Variants in SNX25 observed in about 807,000 individuals in gnomAD.
SNX25 encodes sorting nexin-25.
Under a neutral mutation model 113.7 loss-of-function variants are expected in SNX25, and 62 were observed. The observed-to-expected ratio is 0.55, with a 90% CI of 0.44 to 0.67. SNX25 has a LOEUF of 0.67. Among genes scored for constraint, SNX25 ranks in the 30% least tolerant of loss-of-function variants. The probability of loss-of-function intolerance (pLI) is 0.00; values close to 1 mark genes in which losing one functional copy is unlikely to be tolerated. For synonymous variants in SNX25, 421 were observed against 436.2 expected (o/e 0.97, Z 0.43); for missense variants, 1,014 against 1,161.0 (o/e 0.87, Z 1.84).
intron 1 of SNX25, among the ~76,000 whole-genome samples, chr4:185,243,934 G>A (rs866251571): frequency 1.2e-4 from 18 of 152,224 alleles, no homozygotes; most frequent in South Asian, 2.1e-4. Context: ...TGTACTGTCA[G>A]TCATATTCAT....
At chr4:185,231,102 GTTTT>G (rs33972141) in intron 1 of SNX25, among the ~76,000 whole-genome samples, 1 of 140,540 alleles carries the variant, frequency 7.1e-6, no homozygotes. Context: ...CCTTTTTTTT[GTTTT>G]TTTTTTTTTT....
chr4:185,349,728 TTG>T (rs141674889), intron 13 of SNX25, among the ~76,000 whole-genome samples: 2 of 151,952 alleles, frequency 1.3e-5, no homozygotes, highest in East Asian at 3.9e-4. Context: ...AATGGGATTA[TTG>T]TGTGTGTGTG....
rs192487626 is a variant in SNX25 at position 185,222,431 on chromosome 4, C to T, written c.429+12176C>T. On this transcript the variant is annotated intron_variant, in intron 1 of 18. Coordinates refer to ENST00000652585, the MANE Select transcript of SNX25 (RefSeq NM_001378034.2). The stretch of plus-strand genomic sequence containing the variant: ...CCCCTCCCTCTCGGTAGGTATTCAG[C>T]GCCCTATACCCCTCCCTCGCGGTAG... Among the ~76,000 whole-genome samples, 18 of 151,644 alleles carry T rather than the reference C, an allele frequency of 1.2e-4. No homozygotes were observed. In the East Asian group the frequency reaches 3.1e-3, roughly 26 times the overall value.
At chr4:185,237,703 T>C (rs1742847066) in intron 1 of SNX25, among the ~76,000 whole-genome samples, 1 of 152,092 alleles carries the variant, frequency 6.6e-6, no homozygotes, top group African/African-American at 2.4e-5. Context: ...TGTAATAACG[T>C]TGAATTAGTT....
intron 1 of SNX25, among the ~76,000 whole-genome samples, chr4:185,229,022 G>A (rs922135519): frequency 2.6e-5 from 4 of 152,322 alleles, no homozygotes; most frequent in East Asian, 1.9e-4. Flanking sequence ...AAGCAGCATC[G>A]CAAAGGTACG....
At chr4:185,252,479 A>T (rs1457541188) in intron 2 of SNX25, among the ~76,000 whole-genome samples, 1 of 152,208 alleles carries the variant, frequency 6.6e-6, no homozygotes, top group African/African-American at 2.4e-5. Flanking sequence ...GAGTTCGGTT[A>T]TACTAAATGC....
intron 10 of SNX25, among the ~76,000 whole-genome samples, chr4:185,337,251 C>A (rs1041637213): frequency 6.6e-6 from 1 of 152,148 alleles, no homozygotes; most frequent in African/African-American, 2.4e-5. Context: ...CCATTTTCCC[C>A]TCCCTCATGC....
At chr4:185,341,280 A>T (rs1561033138) in intron 11 of SNX25, among the ~76,000 whole-genome samples, 1 of 152,228 alleles carries the variant, frequency 6.6e-6, no homozygotes, top group Admixed American at 6.5e-5. Flanking sequence ...ATATCTCCCA[A>T]TGTAAAATTT....
Position 185,283,007 on chromosome 4 carries a change from G to A in SNX25, c.1092-5005G>A, listed in dbSNP as rs116773104. ...TTTGTTGAGAAAAAAACAAGAATGA[G>A]AAAGTCAATCATTTCCTCTCGGTAT... On this transcript the variant is annotated intron_variant, in intron 5 of 18. Coordinates refer to ENST00000652585, the MANE Select transcript of SNX25 (RefSeq NM_001378034.2). Among the ~76,000 whole-genome samples the A allele has an allele frequency of 3.8e-3, 582 of 152,300 alleles. 2 individuals carry two copies. Among genetic ancestry groups the A allele is most frequent in the African/African-American group, 0.013 (533 of 41,570 alleles).
chr4:185,298,832 C>T (rs931693141), intron 6 of SNX25, among the ~76,000 whole-genome samples: 2 of 152,292 alleles, frequency 1.3e-5, no homozygotes, highest in Non-Finnish European at 2.9e-5. Flanking sequence ...TCACAGCCCT[C>T]CCTCCCTGGA....
chr4:185,240,224 C>T (rs952216194), intron 1 of SNX25, among the ~76,000 whole-genome samples: 10 of 152,244 alleles, frequency 6.6e-5, no homozygotes, highest in South Asian at 4.1e-4. Context: ...CCTTTCCCCC[C>T]TTTCTATTCC....
At chr4:185,276,694 A>C (rs764872079) in intron 5 of SNX25, among the ~76,000 whole-genome samples, 1 of 152,086 alleles carries the variant, frequency 6.6e-6, no homozygotes, top group Admixed American at 6.5e-5. Context: ...AGGTAAAATA[A>C]ATAGTCTCAG....
intron 5 of SNX25, among the ~76,000 whole-genome samples, chr4:185,279,488 C>T (rs1750250409): frequency 6.6e-6 from 1 of 152,114 alleles, no homozygotes; most frequent in Non-Finnish European, 1.5e-5. Flanking sequence ...TGGAAAGAGC[C>T]TTTCATAACT....
intron 10 of SNX25, among the ~76,000 whole-genome samples, chr4:185,338,894 A>G (rs544716655): frequency 2.0e-5 from 3 of 152,342 alleles, no homozygotes; most frequent in African/African-American, 7.2e-5. Context: ...TTAGAAGTCA[A>G]GAAGTCTGAG....
At chr4:185,254,951 C>T (rs1223888525) in intron 2 of SNX25, among the ~76,000 whole-genome samples, 2 of 151,024 alleles carry the variant, frequency 1.3e-5, no homozygotes, top group African/African-American at 4.9e-5. Context: ...CTTTAGTTGG[C>T]GTCTTGACCT....
In SNX25 at chr4:185,267,079, A is replaced by T. The variant is rs1324061875; in HGVS notation, c.1015A>T (p.Thr339Ser). The change falls in exon 5 of 19, where the codon ACC becomes TCC. Residue 339 changes from threonine to serine, a missense_variant. Coordinates refer to ENST00000652585, the MANE Select transcript of SNX25 (RefSeq NM_001378034.2). ...GAATGAGCATCACAAGAGAGCCTACACCTATGCCCCCTCTTACGAGGACTT... is the reference window on the plus strand; with the variant it reads ...GAATGAGCATCACAAGAGAGCCTACTCCTATGCCCCCTCTTACGAGGACTT... Reference protein sequence around the residue: ...QMNEHHKRAYTYAPSYEDFIK... With the variant: ...QMNEHHKRAYSYAPSYEDFIK... 1 of 1,613,978 alleles carries T rather than the reference A, an allele frequency of 6.2e-7. No individual in the cohort carries two copies. Among genetic ancestry groups the T allele is most frequent in the Admixed American group, 1.7e-5 (1 of 59,996 alleles).
At chr4:185,366,438 T>C (rs576742065), downstream of SNX25, 1 of 152,254 alleles carries the variant, frequency 6.6e-6, no homozygotes, top group African/African-American at 2.4e-5. Context: ...GCAGTTGTTT[T>C]ACTCATTAAG....
chr4:185,261,396 C>T (rs1339937205), intron 3 of SNX25, among the ~76,000 whole-genome samples: 1 of 151,986 alleles, frequency 6.6e-6, no homozygotes, highest in African/African-American at 2.4e-5. Context: ...AGGCTGGTCT[C>T]GAACTCCTGA....
chr4:185,284,935 AT>A (rs1389317340), intron 5 of SNX25, among the ~76,000 whole-genome samples: 1 of 152,200 alleles, frequency 6.6e-6, no homozygotes, highest in Non-Finnish European at 1.5e-5. Flanking sequence ...TATACCTAAG[AT>A]GATTTTGAGA....
Sources: allele counts gnomAD v4.1 joint callset (sites outside exome capture counted in the v4.1 genomes callset), GRCh38; gene constraint gnomAD v4.1.1; transcripts MANE v1.5; gene names NCBI Gene and HGNC (gene_info 2026-07-23, HGNC 2026-07-21).